The following MTFR1 variants were observed in gnomAD, a reference collection of about 807,000 sequenced individuals.
The protein encoded by MTFR1 is chondrocyte protein with a poly-proline region.
A neutral mutation model predicts 38.8 loss-of-function variants in MTFR1; 28 were observed. That is an observed-to-expected ratio of 0.72 (90% CI 0.53 to 0.99). The LOEUF (loss-of-function observed/expected upper bound fraction) is 0.99. MTFR1 is among the 50% of genes least tolerant of loss of function. The probability of loss-of-function intolerance (pLI) is 0.00; values close to 1 mark genes in which losing one functional copy is unlikely to be tolerated. For missense variants in MTFR1, 358 were observed against 395.5 expected, an observed-to-expected ratio of 0.91 and a Z score of 0.81; for synonymous variants, 145 against 137.0, an observed-to-expected ratio of 1.06 and a Z score of -0.41.
intron 3 of MTFR1, among the ~76,000 whole-genome samples, chr8:65,762,680 T>C (rs1343832590): frequency 1.3e-5 from 2 of 152,238 alleles, no homozygotes; most frequent in Admixed American, 6.5e-5. Context: ...ATGGTCATTA[T>C]TATGAATATC....
chr8:65,772,493 C>T (rs1351094319), downstream of MTFR1, among the ~76,000 whole-genome samples: 1 of 152,090 alleles, frequency 6.6e-6, no homozygotes, highest in Non-Finnish European at 1.5e-5. Context: ...ATCACAAATT[C>T]CTAATCCAAG....
chr8:65,659,201 T>C (rs780713383), intron 1 of MTFR1, among the ~76,000 whole-genome samples: 4 of 152,178 alleles, frequency 2.6e-5, no homozygotes, highest in Non-Finnish European at 4.4e-5. Context: ...TTTTCCTTTT[T>C]GGTGATAATA....
intron 3 of MTFR1, among the ~76,000 whole-genome samples, chr8:65,751,956 G>A (rs1807989657): frequency 6.6e-6 from 1 of 152,056 alleles, no homozygotes; most frequent in Non-Finnish European, 1.5e-5. Context: ...CTTTTATAAG[G>A]CTGTAAAGTA....
At chr8:65,752,877 A>G (rs1392503607) in intron 3 of MTFR1, among the ~76,000 whole-genome samples, 1 of 152,090 alleles carries the variant, frequency 6.6e-6, no homozygotes, top group African/African-American at 2.4e-5. Context: ...CACTATAACC[A>G]TTACTGTGTT....
intron 3 of MTFR1, among the ~76,000 whole-genome samples, chr8:65,764,876 T>C (rs1239991257): frequency 6.6e-6 from 1 of 152,176 alleles, no homozygotes; most frequent in Non-Finnish European, 1.5e-5. Flanking sequence ...AAAGACAATA[T>C]GAGACACATG....
At chr8:65,699,393 T>G (rs1457671574) in intron 4 of MTFR1, among the ~76,000 whole-genome samples, 1 of 152,234 alleles carries the variant, frequency 6.6e-6, no homozygotes, top group Non-Finnish European at 1.5e-5. Flanking sequence ...TAGTTCTCTT[T>G]TAAGTTCTTT....
At chr8:65,688,689 C>T (rs1805176502) in intron 3 of MTFR1, among the ~76,000 whole-genome samples, 1 of 151,170 alleles carries the variant, frequency 6.6e-6, no homozygotes, top group Non-Finnish European at 1.5e-5. Flanking sequence ...CGTGATCCGC[C>T]CGCCTTCAGG....
At chr8:65,763,973 A>T (rs78145222) in intron 3 of MTFR1, among the ~76,000 whole-genome samples, 8,053 of 152,332 alleles carry the variant, frequency 0.053, 301 homozygotes, top group Middle Eastern at 0.095. Flanking sequence ...ACTTTAGGAC[A>T]AACAAGAAAC....
In MTFR1 at chr8:65,705,028, T is replaced by G. The variant is rs551537931; in HGVS notation, c.517+99T>G. ...AATTAGTAACAGCTATTGGGGTTCT[T>G]AGAAAACCAGGTGTCATCCAGGTAC... On this transcript the variant is annotated intron_variant, in intron 5 of 7. Transcript: ENST00000262146. 12 of 1,079,540 alleles carry G rather than the reference T, an allele frequency of 1.1e-5. No individual in the cohort carries two copies. In the Admixed American group the frequency reaches 1.8e-4, roughly 16 times the overall value. 66.9% of individuals were successfully genotyped at this position (1,079,540 alleles called of 1,614,324 possible). A position where few individuals can be genotyped will look rare whatever the true frequency, so the allele number is the denominator to read the frequency against.
intron 3 of MTFR1, among the ~76,000 whole-genome samples, chr8:65,768,224 T>A (rs970343089): frequency 2.0e-5 from 3 of 152,208 alleles, no homozygotes; most frequent in African/African-American, 7.2e-5. Flanking sequence ...TTAAACAGTA[T>A]CTTTAATGAG....
chr8:65,762,991 A>ATGTATGTG (rs1432255688), intron 3 of MTFR1, among the ~76,000 whole-genome samples: 1 of 138,514 alleles, frequency 7.2e-6, no homozygotes, highest in Non-Finnish European at 1.6e-5. Context: ...TATAAAAACA[A>ATGTATGTG]TGTGTGTGTG....
At chr8:65,670,707 C>CT (rs369233827) in intron 2 of MTFR1, among the ~76,000 whole-genome samples, 54,292 of 144,352 alleles carry the variant, frequency 0.38, 10,813 homozygotes, top group Non-Finnish European at 0.45. Flanking sequence ...TGTGGGTATA[C>CT]TTTTTTTTTT....
At chr8:65,669,803 G>A in intron 1 of MTFR1, 70 bp from the exon 2 acceptor site, 1 of 667,752 alleles carries the variant, frequency 1.5e-6, no homozygotes, top group Non-Finnish European at 2.6e-6. Context: ...CTTGCTCTGT[G>A]AGACATGTAG....
intron 3 of MTFR1, among the ~76,000 whole-genome samples, chr8:65,760,616 T>A (rs1808441401): frequency 6.6e-6 from 1 of 152,136 alleles, no homozygotes; most frequent in Admixed American, 6.5e-5. Context: ...TCAAGAACTA[T>A]AAATCAAGGA....
At chr8:65,692,045 T>C (rs2129055923) in intron 3 of MTFR1, among the ~76,000 whole-genome samples, 1 of 152,354 alleles carries the variant, frequency 6.6e-6, no homozygotes, top group East Asian at 1.9e-4. Context: ...ATGATGGCAT[T>C]GAGGAGGTTT....
chr8:65,660,271 A>C (rs1205413239), intron 1 of MTFR1, among the ~76,000 whole-genome samples: 1 of 145,640 alleles, frequency 6.9e-6, no homozygotes, highest in Admixed American at 7.3e-5. Context: ...AGCCTGGGCA[A>C]CAGGAGTGAA....
At chr8:65,773,338 A>C (rs10504392), downstream of MTFR1, among the ~76,000 whole-genome samples, 45,325 of 152,038 alleles carry the variant, frequency 0.3, 7,324 homozygotes, top group African/African-American at 0.42. Context: ...CTTGTTTTGT[A>C]ATAACTATAG....
intron 3 of MTFR1, among the ~76,000 whole-genome samples, chr8:65,760,869 G>T (rs1475964809): frequency 1.3e-5 from 2 of 152,050 alleles, no homozygotes. Flanking sequence ...GCAAATAGAG[G>T]CCACTACAGA....
downstream of MTFR1, among the ~76,000 whole-genome samples, chr8:65,712,098 T>G (rs1183279640): frequency 6.6e-6 from 1 of 152,172 alleles, no homozygotes; most frequent in African/African-American, 2.4e-5. Context: ...TGCCTAATGG[T>G]CACCCCTCTT....
Sources: allele counts gnomAD v4.1 joint callset (sites outside exome capture counted in the v4.1 genomes callset), GRCh38; gene constraint gnomAD v4.1.1; transcripts MANE v1.5; gene names NCBI Gene and HGNC (gene_info 2026-07-23, HGNC 2026-07-21).